The following FBXW12 variants were observed in gnomAD, a reference collection of about 807,000 sequenced individuals.
FBXW12 encodes the protein F-box and WD repeat domain containing 12, also known as F-box/WD repeat-containing protein 12.
In FBXW12, 43 loss-of-function variants were observed where a neutral mutation model predicts 55.3. The observed-to-expected ratio is 0.78, with a 90% CI of 0.61 to 1.00. The LOEUF (loss-of-function observed/expected upper bound fraction) is 1.00, where lower values mean the gene tolerates loss of function less well. Among genes scored for constraint, FBXW12 ranks in the 50% least tolerant of loss-of-function variants. The pLI, the probability that FBXW12 is intolerant of heterozygous loss-of-function variation, is 0.00. For missense variants in FBXW12, 524 were observed against 560.5 expected, an observed-to-expected ratio of 0.93 and a Z score of 0.66; for synonymous variants, 184 against 203.8, an observed-to-expected ratio of 0.90 and a Z score of 0.83.
intron 10 of FBXW12, among the ~76,000 whole-genome samples, chr3:48,393,456 T>C (rs1281424246): frequency 6.6e-6 from 1 of 152,138 alleles, no homozygotes; most frequent in Non-Finnish European, 1.5e-5. Context: ...TACCTGGGCT[T>C]CTGGTGGAGA....
intron 10 of FBXW12, among the ~76,000 whole-genome samples, chr3:48,384,069 G>T (rs1221516648): frequency 6.6e-6 from 1 of 152,040 alleles, no homozygotes; most frequent in Non-Finnish European, 1.5e-5. Flanking sequence ...TTTAGAATTG[G>T]TTTGTAAATT....
chr3:48,390,262 A>G (rs919323790), intron 10 of FBXW12, among the ~76,000 whole-genome samples: 1 of 152,116 alleles, frequency 6.6e-6, no homozygotes, highest in Admixed American at 6.6e-5. Context: ...TTCTGTGAAA[A>G]ATGACATTGG....
Position 48,381,807 on chromosome 3 carries a change from C to T in FBXW12, c.1093C>T (p.Leu365Phe), listed in dbSNP as rs779106453. The change falls in exon 9 of 11, where the codon CTC (leucine) becomes TTC (phenylalanine). Residue 365 changes from leucine to phenylalanine, a missense_variant. Coordinates refer to ENST00000296438, the MANE Select transcript of FBXW12 (RefSeq NM_207102.2). ...IVFTSGPYLL[L>F]FSITGFLLQR... ...CTTTACCAGTGGACCATACTTGTTACTCTTCAGCATCACTGGCTTCCTGCT... is the reference window on the plus strand; with the variant it reads ...CTTTACCAGTGGACCATACTTGTTATTCTTCAGCATCACTGGCTTCCTGCT... The T allele has an allele frequency of 1.2e-6, 2 of 1,612,226 alleles. No individual in the cohort carries two copies. The highest frequency in any genetic ancestry group is 1.1e-5 in the South Asian group (1 of 90,868).
Position 48,381,957 on chromosome 3 carries a change from T to C in FBXW12, c.1167T>C (p.Asp389=). The C allele has an allele frequency of 6.2e-7, 1 of 1,614,198 alleles. No homozygotes were observed. Among genetic ancestry groups the C allele is most frequent in the South Asian group, 1.1e-5 (1 of 91,082 alleles). The stretch of plus-strand genomic sequence containing the variant: ...CTCACTCTGGCTATCCTTGGAAGGA[T>C]CCTTGCTATGTGCTCACCACATCCG... ...HQAAINNFWV[D]PCYVLTTSEN... is the part of the protein sequence containing the mutation. Residue 389 remains aspartate (D), a splice_region_variant and synonymous_variant, in exon 10 of 11, where the codon GAT becomes GAC. Coordinates refer to ENST00000296438, the MANE Select transcript of FBXW12 (RefSeq NM_207102.2).
rs772976518 is a variant in FBXW12, at chr3:48,381,850, A to G, written c.1136A>G (p.His379Arg). Residue 379 changes from histidine to arginine, a missense_variant, in exon 9 of 11, where the codon CAT (histidine) becomes CGT (arginine). His to Arg is a conservative substitution (Grantham distance 29). Transcript: ENST00000296438. ...TGFLLQRFED[H>R]QAAINNFWVD... is the part of the protein sequence containing the mutation. Reference sequence around the variant, plus strand: ...TTCCTGCTGCAACGATTTGAGGACCATCAGGCAGCCATCAACAACTTCTGG... The same window carrying G: ...TTCCTGCTGCAACGATTTGAGGACCGTCAGGCAGCCATCAACAACTTCTGG... 6 of 1,608,050 alleles carry G rather than the reference A, an allele frequency of 3.7e-6. No homozygotes were observed. The East Asian group carries it at 1.3e-4, about 36-fold the overall frequency.
At chr3:48,379,374 A>G (rs2036731571) in intron 6 of FBXW12, 26 bp from the exon 7 acceptor site, 3 of 1,611,734 alleles carry the variant, frequency 1.9e-6, no homozygotes, top group Non-Finnish European at 2.5e-6. Flanking sequence ...CTTCCTATTG[A>G]TATGGTGGGG....
At chr3:48,375,538 C>A in intron 5 of FBXW12, 66 bp downstream of exon 5, 1 of 927,074 alleles carries the variant, frequency 1.1e-6, no homozygotes, top group Non-Finnish European at 1.6e-6. Context: ...ATATATGAAA[C>A]GGAAGTGCTG....
chr3:48,389,622 C>T (rs767014829), intron 10 of FBXW12, among the ~76,000 whole-genome samples: 11 of 152,078 alleles, frequency 7.2e-5, no homozygotes, highest in African/African-American at 1.7e-4. Flanking sequence ...GTGATCTGTC[C>T]GCCTCAGCCT....
intron 10 of FBXW12, 114 bp downstream of exon 10, chr3:48,382,199 C>T: frequency 1.7e-6 from 2 of 1,172,272 alleles, no homozygotes. Flanking sequence ...TCACTGCAAC[C>T]TCCGACTCCC....
At chr3:48,375,169 A>G (rs1371280155) in intron 4 of FBXW12, among the ~76,000 whole-genome samples, 185 bp from the exon 5 acceptor site, 2 of 152,230 alleles carry the variant, frequency 1.3e-5, no homozygotes, top group Admixed American at 6.5e-5. Flanking sequence ...GTTGGCCAAC[A>G]TCTCCCAAAT....
intron 8 of FBXW12, 66 bp from the exon 9 acceptor site, chr3:48,381,634 T>G: frequency 1.4e-6 from 2 of 1,463,464 alleles, no homozygotes; most frequent in African/African-American, 2.8e-5. Context: ...ATATTATTAT[T>G]CAATGACCTG....
chr3:48,394,679 G>A lies in FBXW12; in HGVS notation c.*20G>A, dbSNP rs1388302796. ...ACGTAATATGGAAACTAACAAAATT[G>A]ACCTTGCATCATCTTCTGCAATGTA... On this transcript the variant is annotated 3_prime_UTR_variant, in exon 11 of 11. Coordinates refer to ENST00000296438, the MANE Select transcript of FBXW12 (RefSeq NM_207102.2). The A allele has an allele frequency of 7.7e-7, 1 of 1,290,582 alleles. No individual in the cohort carries two copies. Among genetic ancestry groups the A allele is most frequent in the East Asian group, 2.3e-5 (1 of 42,992 alleles). The allele number at this position is 1,290,582 out of a possible 1,614,324, so 79.9% of individuals were successfully genotyped here.
chr3:48,383,830 C>T (rs1401665387), intron 10 of FBXW12, among the ~76,000 whole-genome samples: 7 of 152,110 alleles, frequency 4.6e-5, no homozygotes, highest in African/African-American at 4.8e-5. Context: ...CTCCTTACTC[C>T]GTTGAATTGC....
chr3:48,391,360 A>ATG (rs2106656961), intron 10 of FBXW12, among the ~76,000 whole-genome samples: 1 of 151,520 alleles, frequency 6.6e-6, no homozygotes, highest in East Asian at 1.9e-4. Context: ...ACACACATAT[A>ATG]TATATAAAAT....
chr3:48,379,180 A>G lies in FBXW12; in HGVS notation c.616-220A>G, dbSNP rs1169599790. Among the ~76,000 whole-genome samples, 6 of 152,362 alleles carry G rather than the reference A, an allele frequency of 3.9e-5. No homozygotes were observed. The South Asian group carries it at 1.0e-3, about 26-fold the overall frequency. ...AGAAAAAGCATAGTGTTGATGTGCT[A>G]ATGAATAACTGTCCTTGAGAAGAAT... On this transcript the variant is annotated intron_variant, in intron 6 of 10. Transcript: ENST00000296438.
intron 10 of FBXW12, among the ~76,000 whole-genome samples, chr3:48,386,404 A>G (rs188834086): frequency 6.6e-6 from 1 of 152,340 alleles, no homozygotes; most frequent in East Asian, 1.9e-4. Context: ...GCTTTATAAT[A>G]TGTTTTGAAA....
chr3:48,381,959 C>T lies in FBXW12; in HGVS notation c.1169C>T (p.Pro390Leu), dbSNP rs1445957152. The change falls in exon 10 of 11, where the codon CCT becomes CTT. Residue 390 changes from proline (P) to leucine (L), a missense_variant. Coordinates refer to ENST00000296438, the MANE Select transcript of FBXW12 (RefSeq NM_207102.2). ...QAAINNFWVD[P>L]CYVLTTSENS... Reference sequence around the variant, plus strand: ...CACTCTGGCTATCCTTGGAAGGATCCTTGCTATGTGCTCACCACATCCGAG... The same window carrying T: ...CACTCTGGCTATCCTTGGAAGGATCTTTGCTATGTGCTCACCACATCCGAG... 4 of 1,614,050 alleles carry T rather than the reference C, an allele frequency of 2.5e-6. No individual in the cohort carries two copies. The highest frequency in any genetic ancestry group is 3.4e-6 in the Non-Finnish European group (4 of 1,180,034).
At chr3:48,378,282 C>A in intron 5 of FBXW12, 35 bp from the exon 6 acceptor site, 2 of 1,521,724 alleles carry the variant, frequency 1.3e-6, no homozygotes, top group Non-Finnish European at 1.8e-6. Context: ...TGTAAGGGTT[C>A]CTTGAACACA....
At chr3:48,374,696 A>G (rs6779262) in intron 4 of FBXW12, among the ~76,000 whole-genome samples, 86,745 of 150,082 alleles carry the variant, frequency 0.58, 24,972 homozygotes, top group South Asian at 0.68. Flanking sequence ...GAACTCCTGA[A>G]CTCAAGCGAT....
Sources: gnomAD v4.1 joint callset for allele counts (sites outside exome capture counted in the v4.1 genomes callset) on GRCh38, gnomAD v4.1.1 for gene constraint, MANE v1.5 for transcripts, NCBI Gene and HGNC (gene_info 2026-07-23, HGNC 2026-07-21) for gene names.